The following SLC6A9 variants were observed in gnomAD, a reference collection of about 807,000 sequenced individuals.
SLC6A9 encodes sodium- and chloride-dependent glycine transporter 1.
In SLC6A9, 31 loss-of-function variants were observed where a neutral mutation model predicts 70.9. The observed-to-expected ratio is 0.44, with a 90% CI of 0.33 to 0.59. The LOEUF (loss-of-function observed/expected upper bound fraction) is 0.59. Ranked by LOEUF, SLC6A9 falls within the 20% of genes least tolerant of loss-of-function variation. The pLI is 0.04. For synonymous variants in SLC6A9, 310 were observed against 341.3 expected, an observed-to-expected ratio of 0.91 and a Z score of 1.01; for missense variants, 631 against 845.2, an observed-to-expected ratio of 0.75 and a Z score of 3.14.
rs2086828660 is a variant in SLC6A9 at position 44,018,876 on chromosome 1, G to A, written c.30+5372C>T. ...GCCCAGACGTTGGAAGTTGTAGTGA[G>A]CTATGATCACACCACTGCACTCCAA... is the stretch of plus-strand genomic sequence containing the variant. On this transcript the variant is annotated intron_variant, in intron 2 of 13. Transcript: ENST00000372310. The surrounding 1 kb of genome is among the most constrained non-coding windows in gnomAD (Gnocchi z 4.2). Among the ~76,000 whole-genome samples the A allele has an allele frequency of 6.6e-6, 1 of 152,100 alleles. No homozygotes were observed. Among genetic ancestry groups the A allele is most frequent in the African/African-American group, 2.4e-5 (1 of 41,428 alleles).
rs761137964 is a variant in SLC6A9, at chr1:44,010,820, GC to G, written c.92del (p.Gly31AlafsTer8). On this transcript the variant is annotated frameshift_variant, in exon 3 of 14. Coordinates refer to ENST00000372310, the MANE Select transcript of SLC6A9 (RefSeq NM_001024845.3). LOFTEE classifies it high-confidence loss of function. ...RDQNLKRGNW[G>X]NQIEFVLTSV... ...TCGTCAGTACAAACTCGATCTGGTT[GC>G]CCCAGTTGCCCCGTTTGAGGTTCTG... 3.1e-6 allele frequency: 5 copies of G among 1,614,072 alleles called. No individual in the cohort carries two copies. Among genetic ancestry groups the G allele is most frequent in the Non-Finnish European group, 4.2e-6 (5 of 1,180,010 alleles).
At chr1:44,023,331 C>G (rs554981674) in intron 2 of SLC6A9, among the ~76,000 whole-genome samples, 9 of 152,086 alleles carry the variant, frequency 5.9e-5, no homozygotes. Flanking sequence ...CATCCATCAG[C>G]GAGTCTTGCT....
At chr1:44,003,144 G>A (rs979094604) in intron 5 of SLC6A9, among the ~76,000 whole-genome samples, 159 bp from the exon 6 acceptor site, 3 of 152,206 alleles carry the variant, frequency 2.0e-5, no homozygotes, top group Non-Finnish European at 2.9e-5. Context: ...AGCCCTGGCC[G>A]GCCCAGTCCC....
intron 2 of SLC6A9, among the ~76,000 whole-genome samples, chr1:44,023,982 G>T (rs987712305): frequency 6.6e-6 from 1 of 152,262 alleles, no homozygotes; most frequent in Non-Finnish European, 1.5e-5. Flanking sequence ...CATATGAGTG[G>T]CCTCCTTCTG....
At chr1:44,020,731 A>G (rs1405369479) in intron 2 of SLC6A9, among the ~76,000 whole-genome samples, 1 of 152,212 alleles carries the variant, frequency 6.6e-6, no homozygotes, top group Non-Finnish European at 1.5e-5. Context: ...GTGAGTCCCC[A>G]CTATGTGCCA....
At chr1:43,998,652 C>T (rs1429678560) in intron 12 of SLC6A9, among the ~76,000 whole-genome samples, 2 of 152,142 alleles carry the variant, frequency 1.3e-5, no homozygotes, top group Admixed American at 6.5e-5. Context: ...CCTGGAATTG[C>T]ATCAACTCTG....
intron 5 of SLC6A9, among the ~76,000 whole-genome samples, chr1:44,005,818 T>C (rs2086286594): frequency 6.6e-6 from 1 of 152,354 alleles, no homozygotes; most frequent in East Asian, 1.9e-4. Flanking sequence ...GCCATTTCCC[T>C]GGATCTCCAG....
intron 4 of SLC6A9, among the ~76,000 whole-genome samples, 188 bp downstream of exon 4, chr1:44,009,777 G>A (rs1474684653): frequency 1.3e-5 from 2 of 152,254 alleles, no homozygotes; most frequent in African/African-American, 2.4e-5. Context: ...TAGGAGGGGA[G>A]GGTGGCAGCC....
chr1:44,007,123 C>G (rs563067967), intron 5 of SLC6A9, among the ~76,000 whole-genome samples: 1 of 152,286 alleles, frequency 6.6e-6, no homozygotes, highest in South Asian at 2.1e-4. Flanking sequence ...GGTTCCCAAT[C>G]TCTCTACTTT....
chr1:44,010,413 G>C, intron 3 of SLC6A9: 1 of 422,562 alleles, frequency 2.4e-6, no homozygotes, highest in Non-Finnish European at 4.3e-6. Flanking sequence ...ACCATTTAGG[G>C]GGGCTGCTGA....
intron 2 of SLC6A9, among the ~76,000 whole-genome samples, chr1:44,022,714 C>A (rs146859194): frequency 2.5e-5 from 2 of 79,530 alleles, no homozygotes; most frequent in African/African-American, 5.8e-4. Context: ...TTCTTTCTTT[C>A]TTTCTTTCTT....
At position 44,002,541 on chromosome 1, in the gene SLC6A9, G is replaced by T. The variant is rs2086155211; in HGVS notation, c.829C>A (p.Pro277Thr). The T allele has an allele frequency of 1.2e-6, 2 of 1,614,036 alleles. No individual in the cohort carries two copies. The highest frequency in any genetic ancestry group is 1.7e-6 in the Non-Finnish European group (2 of 1,180,014). Residue 277 changes from proline (P) to threonine (T), a missense_variant, in exon 7 of 14, where the codon CCG becomes ACG. Coordinates refer to ENST00000372310, the MANE Select transcript of SLC6A9 (RefSeq NM_001024845.3). This position sits in a 1 kb window ranked among gnomAD's most constrained non-coding sequence, Gnocchi z 5.5. ...GCCTCCAGGATCTTGTCCCACTGCG[G>T]GGTTAGGTAGTACATGATGCCGTCA... Reference protein sequence around the residue: ...AFDGIMYYLTPQWDKILEAKV... With the variant: ...AFDGIMYYLTTQWDKILEAKV...
chr1:44,009,869 G>T, intron 4 of SLC6A9, 96 bp downstream of exon 4: 1 of 1,433,120 alleles, frequency 7.0e-7, no homozygotes, highest in Non-Finnish European at 9.6e-7. Flanking sequence ...CTCTACAGAG[G>T]TCAGCCATGT....
rs1314751197 is a variant in SLC6A9, at chr1:44,002,862, A to C, written c.714T>G (p.Ser238=). 5 of 1,613,900 alleles carry C rather than the reference A, an allele frequency of 3.1e-6. No individual in the cohort carries two copies. The highest frequency in any genetic ancestry group is 4.2e-6 in the Non-Finnish European group (5 of 1,180,002). The change falls in exon 6 of 14, where the codon TCT becomes TCG. Residue 238 remains serine, a synonymous_variant. Coordinates refer to ENST00000372310, the MANE Select transcript of SLC6A9 (RefSeq NM_001024845.3). The surrounding 1 kb of genome is among the most constrained non-coding windows in gnomAD (Gnocchi z 5.5). ...GGGGAGGGGTACTTGCTTTCCCTGA[A>C]GACTTGACCCCTCGGATGAGGCAGA... is the stretch of plus-strand genomic sequence containing the variant. ...VFLCLIRGVK[S]SGKVVYFTAT... is the part of the protein sequence containing the mutation.
intron 2 of SLC6A9, chr1:44,017,214 T>G: frequency 6.5e-7 from 1 of 1,540,276 alleles, no homozygotes; most frequent in Non-Finnish European, 8.7e-7. Context: ...TCAATTACTT[T>G]CACCTCATCT....
chr1:44,004,828 A>G (rs2086252844), intron 5 of SLC6A9, among the ~76,000 whole-genome samples: 1 of 152,184 alleles, frequency 6.6e-6, no homozygotes, highest in Admixed American at 6.5e-5. Context: ...GGACATTTGG[A>G]ACCCAACGTA....
At chr1:44,024,645 A>G (rs2086948877) in intron 1 of SLC6A9, among the ~76,000 whole-genome samples, 1 of 152,236 alleles carries the variant, frequency 6.6e-6, no homozygotes, top group Non-Finnish European at 1.5e-5. Context: ...ATGAATACCA[A>G]ACTGGGATGG....
rs2086653749 is a variant in SLC6A9, at chr1:44,013,812, C to T, written c.31-2930G>A. 6.6e-6 allele frequency among the ~76,000 whole-genome samples: 1 copy of T among 152,220 alleles called. No individual in the cohort carries two copies. Among genetic ancestry groups the T allele is most frequent in the Non-Finnish European group, 1.5e-5 (1 of 68,026 alleles). Reference sequence around the variant, plus strand: ...ACTTTCTGGGTGTTCTAGTTCCCTTCCTTGTCCAGATCTCCTCTGGGGACC... The same window carrying T: ...ACTTTCTGGGTGTTCTAGTTCCCTTTCTTGTCCAGATCTCCTCTGGGGACC... On this transcript the variant is annotated intron_variant, in intron 2 of 13. Transcript: ENST00000372310. The surrounding 1 kb of genome is among the most constrained non-coding windows in gnomAD (Gnocchi z 5.3).
intron 2 of SLC6A9, among the ~76,000 whole-genome samples, chr1:44,015,166 G>C (rs1304290023): frequency 6.6e-6 from 1 of 152,224 alleles, no homozygotes; most frequent in East Asian, 1.9e-4. Flanking sequence ...AAGGTAAAGA[G>C]GAAATGCAGC....
Sources: gnomAD v4.1 joint callset for allele counts (sites outside exome capture counted in the v4.1 genomes callset) on GRCh38, gnomAD v4.1.1 for gene constraint, Gnocchi (gnomAD v3.1) non-coding constraint, MANE v1.5 for transcripts, NCBI Gene and HGNC (gene_info 2026-07-23, HGNC 2026-07-21) for gene names.